CACNA2D1: variants seen among roughly 807,000 people sequenced by gnomAD.
CACNA2D1 encodes the protein voltage-dependent calcium channel subunit alpha-2/delta-1.
In CACNA2D1, 53 loss-of-function variants were observed where a neutral mutation model predicts 171.5. That is an observed-to-expected ratio of 0.31 (90% CI 0.25 to 0.39). The LOEUF is 0.39. CACNA2D1 is among the 10% of genes least tolerant of loss of function. The probability of loss-of-function intolerance (pLI) is 1.00; values close to 1 mark genes in which losing one functional copy is unlikely to be tolerated. For missense variants in CACNA2D1, 903 were observed against 1,299.8 expected, an observed-to-expected ratio of 0.69 and a Z score of 4.69; for synonymous variants, 442 against 443.1, an observed-to-expected ratio of 1.00 and a Z score of 0.03.
At chr7:82,395,708 C>G (rs535383437) in intron 1 of CACNA2D1, among the ~76,000 whole-genome samples, 1 of 152,082 alleles carries the variant, frequency 6.6e-6, no homozygotes, top group South Asian at 2.1e-4. Flanking sequence ...ACAGGCATGC[C>G]TACCTGCATT....
intron 3 of CACNA2D1, among the ~76,000 whole-genome samples, chr7:82,219,317 T>C (rs1801504457): frequency 2.0e-5 from 3 of 152,166 alleles, no homozygotes; most frequent in African/African-American, 2.4e-5. Context: ...AAAATTATTT[T>C]ACATATTTTC....
intron 1 of CACNA2D1, among the ~76,000 whole-genome samples, chr7:82,432,629 G>A (rs6967548): frequency 0.3 from 44,941 of 152,056 alleles, 7,956 homozygotes; most frequent in South Asian, 0.55. Context: ...GCGAGCCCTC[G>A]CCCAAATTCC....
At chr7:82,329,869 G>A (rs1002560804) in intron 3 of CACNA2D1, among the ~76,000 whole-genome samples, 3 of 152,098 alleles carry the variant, frequency 2.0e-5, no homozygotes, top group African/African-American at 7.2e-5. Flanking sequence ...TTAGACAGAA[G>A]TCATAAAGTT....
At chr7:82,173,558 A>T (rs1325360036) in intron 3 of CACNA2D1, among the ~76,000 whole-genome samples, 1 of 152,058 alleles carries the variant, frequency 6.6e-6, no homozygotes, top group East Asian at 1.9e-4. Flanking sequence ...ACTAAACTTT[A>T]GAGACTTAGT....
Position 82,013,982 on chromosome 7 carries a change from A to G in CACNA2D1, c.1222+419T>C, listed in dbSNP as rs140414638. Among the ~76,000 whole-genome samples the G allele has an allele frequency of 2.3e-3, 351 of 152,120 alleles. 4 individuals carry two copies. Among genetic ancestry groups the G allele is most frequent in the African/African-American group, 8.1e-3 (338 of 41,554 alleles). On this transcript the variant is annotated intron_variant, in intron 13 of 38. Coordinates refer to ENST00000356860, the MANE Select transcript of CACNA2D1 (RefSeq NM_000722.4). Reference sequence around the variant, plus strand: ...GAGTGAAAATATGAGCTCACTGCAAATATTTGAATTATCCTGGAATGTATA... The same window carrying G: ...GAGTGAAAATATGAGCTCACTGCAAGTATTTGAATTATCCTGGAATGTATA...
chr7:82,261,786 C>T (rs552359836), intron 3 of CACNA2D1, among the ~76,000 whole-genome samples: 1 of 151,946 alleles, frequency 6.6e-6, no homozygotes, highest in East Asian at 1.9e-4. Flanking sequence ...TTTGGCATTC[C>T]GTGTTAAAAT....
At chr7:82,303,297 A>G (rs767204022) in intron 3 of CACNA2D1, among the ~76,000 whole-genome samples, 9 of 152,152 alleles carry the variant, frequency 5.9e-5, no homozygotes, top group Non-Finnish European at 8.8e-5. Context: ...GTGAGCCACC[A>G]CATCCGGCCA....
At chr7:82,165,909 TTCATTAAG>T (rs1795409170) in intron 4 of CACNA2D1, among the ~76,000 whole-genome samples, 1 of 152,032 alleles carries the variant, frequency 6.6e-6, no homozygotes, top group African/African-American at 2.4e-5. Flanking sequence ...CACTTATTTA[TTCATTAAG>T]ACAATGCTAC....
intron 4 of CACNA2D1, among the ~76,000 whole-genome samples, chr7:82,138,431 G>T (rs10085541): frequency 0.051 from 3,779 of 73,830 alleles, 283 homozygotes; most frequent in African/African-American, 0.12. Context: ...CATTAGTTTT[G>T]TTTTTTTTGT....
chr7:82,107,870 G>C (rs5014756), intron 6 of CACNA2D1, among the ~76,000 whole-genome samples: 1 of 151,812 alleles, frequency 6.6e-6, no homozygotes, highest in African/African-American at 2.4e-5. Flanking sequence ...AGACATTAGC[G>C]TCCGCGCCCA....
chr7:82,127,917 G>C (rs79348274), intron 5 of CACNA2D1, among the ~76,000 whole-genome samples: 12,556 of 151,706 alleles, frequency 0.083, 643 homozygotes, highest in South Asian at 0.15. Flanking sequence ...AGTTTGTTTT[G>C]TTTTCTGAGG....
chr7:82,433,132 G>A (rs751041928), intron 1 of CACNA2D1, among the ~76,000 whole-genome samples: 18 of 151,454 alleles, frequency 1.2e-4, no homozygotes, highest in Admixed American at 4.6e-4. Flanking sequence ...AGATTGCAGT[G>A]AGCTGAGATC....
chr7:82,070,132 T>C (rs1239806627), intron 7 of CACNA2D1, among the ~76,000 whole-genome samples: 1 of 152,156 alleles, frequency 6.6e-6, no homozygotes, highest in African/African-American at 2.4e-5. Flanking sequence ...ATTACTATCA[T>C]CCCAGAATGG....
chr7:82,078,863 GA>G (rs1476154671), intron 7 of CACNA2D1, among the ~76,000 whole-genome samples: 2 of 151,922 alleles, frequency 1.3e-5, no homozygotes, highest in African/African-American at 4.8e-5. Context: ...TGCCTTCCAA[GA>G]AGGAGAGGAG....
Position 81,970,082 on chromosome 7 carries a change from C to T in CACNA2D1, c.2205-98G>A, listed in dbSNP as rs1209336731. On this transcript the variant is annotated intron_variant, in intron 27 of 38. Coordinates refer to ENST00000356860, the MANE Select transcript of CACNA2D1 (RefSeq NM_000722.4). ...CTGAGCTTTACAGATACGCCTACAT[C>T]TCAGGTATGTCTAAAGAAGTTAGTG... The T allele has an allele frequency of 3.9e-6, 3 of 761,426 alleles. No individual in the cohort carries two copies. In the Admixed American group the frequency reaches 5.6e-5, roughly 14 times the overall value. 47.2% of individuals were successfully genotyped at this position (761,426 alleles called of 1,614,324 possible).
At chr7:82,194,249 A>G (rs1396458599) in intron 3 of CACNA2D1, among the ~76,000 whole-genome samples, 1 of 151,978 alleles carries the variant, frequency 6.6e-6, no homozygotes. Context: ...TTGGTAGTCA[A>G]GCTATGGCTC....
intron 5 of CACNA2D1, among the ~76,000 whole-genome samples, chr7:82,128,471 A>G (rs1231698021): frequency 2.0e-5 from 3 of 152,192 alleles, no homozygotes; most frequent in African/African-American, 4.8e-5. Flanking sequence ...GAGTCCTTGA[A>G]GAGCATAAAC....
rs578073144 is a variant in CACNA2D1, at chr7:82,342,416, C to A, written c.177+7152G>T. Among the ~76,000 whole-genome samples, 7 of 152,236 alleles carry A rather than the reference C, an allele frequency of 4.6e-5. No individual in the cohort carries two copies. In the South Asian group the frequency reaches 1.5e-3, roughly 32 times the overall value. On this transcript the variant is annotated intron_variant, in intron 2 of 38. Transcript: ENST00000356860. ...ATGAATTAGTGAATGGATACTGATT[C>A]TCTGTCAGGCTTTGCTGGGAATGTG...
Position 82,269,856 on chromosome 7 carries a change from G to A in CACNA2D1, c.294+65279C>T, listed in dbSNP as rs186077672. ...AATTCACTTTTCTTATTATTAGAGT[G>A]CTTCAGTAGATGAACAATGTTACCA... is the stretch of plus-strand genomic sequence containing the variant. On this transcript the variant is annotated intron_variant, in intron 3 of 38. Coordinates refer to ENST00000356860, the MANE Select transcript of CACNA2D1 (RefSeq NM_000722.4). Among the ~76,000 whole-genome samples, 851 of 152,212 alleles carry A rather than the reference G, an allele frequency of 5.6e-3. 6 individuals are homozygous for A. The highest frequency in any genetic ancestry group is 0.02 in the Middle Eastern group (6 of 294).
Sources: gnomAD v4.1 joint callset for allele counts (sites outside exome capture counted in the v4.1 genomes callset) on GRCh38, gnomAD v4.1.1 for gene constraint, MANE v1.5 for transcripts, NCBI Gene and HGNC (gene_info 2026-07-23, HGNC 2026-07-21) for gene names.